Variants in SMARCD1 observed in about 807,000 individuals in gnomAD.
The protein encoded by SMARCD1 is SWI/SNF-related matrix-associated actin-dependent regulator of chromatin subfamily D member 1.
In SMARCD1, 16 loss-of-function variants were observed where a neutral mutation model predicts 70.8. The observed-to-expected ratio is 0.23, with a 90% CI of 0.15 to 0.34. The LOEUF (loss-of-function observed/expected upper bound fraction) is 0.34. SMARCD1 is among the 10% of genes least tolerant of loss of function. The pLI, the probability that SMARCD1 is intolerant of heterozygous loss-of-function variation, is 1.00. For missense variants in SMARCD1, 409 were observed against 655.5 expected (o/e 0.62, Z 4.11); for synonymous variants, 249 against 246.0 (o/e 1.01, Z -0.11).
At position 50,085,523 on chromosome 12, in the gene SMARCD1, C is replaced by G; in HGVS notation, c.154C>G (p.Pro52Ala). Residue 52 changes from proline (P) to alanine (A), a missense_variant, in exon 1 of 13, where the codon CCG becomes GCG. By Grantham distance (27) the Pro-to-Ala change is conservative. Coordinates refer to ENST00000394963, the MANE Select transcript of SMARCD1 (RefSeq NM_003076.5). ...PAPGQGLYRS[P>A]MPGAAYPRPG... ...TCCGGGTCAAGGGCTGTACCGCTCC[C>G]CGATGCCCGGAGCGGCCTATCCGGT... The G allele has an allele frequency of 8.1e-7, 1 of 1,235,944 alleles. No homozygotes were observed. The highest frequency in any genetic ancestry group is 1.0e-6 in the Non-Finnish European group (1 of 989,486). The allele number at this position is 1,235,944 out of a possible 1,614,324, so 76.6% of individuals were successfully genotyped here. A position where few individuals can be genotyped will look rare whatever the true frequency, so the allele number is the denominator to read the frequency against.
chr12:50,087,830 G>C (rs987693687), intron 5 of SMARCD1, among the ~76,000 whole-genome samples: 1 of 151,356 alleles, frequency 6.6e-6, no homozygotes, highest in African/African-American at 2.4e-5. Context: ...TTTCCTCTCT[G>C]AGTCCTTGTG....
intron 9 of SMARCD1, among the ~76,000 whole-genome samples, chr12:50,091,913 TG>T (rs1950847228): frequency 6.6e-6 from 1 of 152,118 alleles, no homozygotes; most frequent in African/African-American, 2.4e-5. Context: ...GATCAGCAAA[TG>T]CCACACATCT....
intron 10 of SMARCD1, among the ~76,000 whole-genome samples, chr12:50,095,759 G>A (rs935786898): frequency 6.6e-6 from 1 of 152,222 alleles, no homozygotes; most frequent in Non-Finnish European, 1.5e-5. Flanking sequence ...AAGAGAGAGA[G>A]AGCCTGGTGT....
At position 50,099,639 on chromosome 12, in the gene SMARCD1, T is replaced by C. The variant is rs879084348; in HGVS notation, c.*639T>C. ...TCCTTAGTTGGGGTCCACATCAGTA[T>C]TGGAGTTTTGTTCTTTATTGCTCCC... On this transcript the variant is annotated 3_prime_UTR_variant, in exon 13 of 13. Transcript: ENST00000394963. 11 of 280,180 alleles carry C rather than the reference T, an allele frequency of 3.9e-5. No individual in the cohort carries two copies. Among genetic ancestry groups the C allele is most frequent in the Middle Eastern group, 9.9e-4 (1 of 1,006 alleles). 17.4% of individuals were successfully genotyped at this position (280,180 alleles called of 1,614,324 possible). A position where few individuals can be genotyped will look rare whatever the true frequency, so the allele number is the denominator to read the frequency against.
intron 7 of SMARCD1, 64 bp downstream of exon 7, chr12:50,090,049 T>C (rs1950827257): frequency 7.0e-7 from 1 of 1,437,926 alleles, no homozygotes; most frequent in Non-Finnish European, 9.8e-7. Flanking sequence ...AGTCTCACTT[T>C]AAAGAGTTTA....
intron 10 of SMARCD1, among the ~76,000 whole-genome samples, chr12:50,096,145 T>C (rs998732131): frequency 1.3e-5 from 2 of 152,068 alleles, no homozygotes; most frequent in Non-Finnish European, 2.9e-5. Flanking sequence ...GTAGATAGAT[T>C]TGAGAGGTGT....
chr12:50,090,821 C>CTTTTTTTTTTTTTTTTTTTTT (rs11443542), intron 9 of SMARCD1, among the ~76,000 whole-genome samples: 2 of 102,438 alleles, frequency 2.0e-5, no homozygotes, highest in African/African-American at 4.0e-5. Context: ...TGTATTTGTG[C>CTTTTTTTTTTTTTTTTTTTTT]TTTTTTTTTT....
chr12:50,088,673 T>C (rs745921006), intron 6 of SMARCD1, 36 bp downstream of exon 6: 5 of 1,129,752 alleles, frequency 4.4e-6, no homozygotes, highest in Non-Finnish European at 6.6e-6. Flanking sequence ...TGACTCTGAT[T>C]GGAGGATGAT....
In SMARCD1 at chr12:50,086,811, G is replaced by A. The variant is rs1253766969; in HGVS notation, c.464G>A (p.Arg155Lys). The change falls in exon 4 of 13, where the codon AGG becomes AAG. Residue 155 changes from arginine to lysine, a missense_variant. Physicochemically the swap from Arg to Lys is conservative, Grantham distance 26. Coordinates refer to ENST00000394963, the MANE Select transcript of SMARCD1 (RefSeq NM_003076.5). Reference protein sequence around the residue: ...QAYMDLLAFERKLDQTIMRKR... With the variant: ...QAYMDLLAFEKKLDQTIMRKR... The stretch of plus-strand genomic sequence containing the variant: ...TATATGGATCTCTTGGCTTTTGAAA[G>A]GAAACTGGACCAGACTATCATGAGG... 1 of 1,614,078 alleles carries A rather than the reference G, an allele frequency of 6.2e-7. No homozygotes were observed. The highest frequency in any genetic ancestry group is 2.2e-5 in the East Asian group (1 of 44,882).
intron 2 of SMARCD1, 48 bp from the exon 3 acceptor site, chr12:50,086,573 T>G: frequency 6.3e-7 from 1 of 1,581,574 alleles, no homozygotes; most frequent in Non-Finnish European, 8.7e-7. Flanking sequence ...TATTTTCACG[T>G]TCTGACTAGT....
Position 50,090,396 on chromosome 12 carries a change from G to A in SMARCD1, c.1029G>A (p.Leu343=). 6.2e-7 allele frequency: 1 copy of A among 1,613,910 alleles called. No homozygotes were observed. The highest frequency in any genetic ancestry group is 8.5e-7 in the Non-Finnish European group (1 of 1,179,920). The change falls in exon 8 of 13, where the codon CTG becomes CTA. Residue 343 remains leucine (L), a synonymous_variant. Coordinates refer to ENST00000394963, the MANE Select transcript of SMARCD1 (RefSeq NM_003076.5). ...EREFVICDKY[L]QQIFESQRMK... ...AGTTTGTCATCTGTGACAAGTACCT[G>A]CAGCAGGTAAGTAATGGACCCATTC...
chr12:50,088,389 C>T, intron 5 of SMARCD1, 132 bp from the exon 6 acceptor site: 1 of 702,798 alleles, frequency 1.4e-6, no homozygotes, highest in Non-Finnish European at 2.6e-6. Context: ...TTGCCTATCT[C>T]TCTTAAGAGA....
At chr12:50,091,386 C>T (rs1950842244) in intron 9 of SMARCD1, among the ~76,000 whole-genome samples, 1 of 151,952 alleles carries the variant, frequency 6.6e-6, no homozygotes, top group Non-Finnish European at 1.5e-5. Context: ...AGTGATTCTC[C>T]TGCCGTAGCC....
chr12:50,096,632 T>G, intron 10 of SMARCD1: 1 of 479,764 alleles, frequency 2.1e-6, no homozygotes, highest in Non-Finnish European at 3.8e-6. Context: ...AGGAAAGCTT[T>G]CCTCACATGG....
In SMARCD1 at chr12:50,096,842, C is replaced by T; in HGVS notation, c.1270-8C>T. 1 of 1,598,922 alleles carries T rather than the reference C, an allele frequency of 6.3e-7. No individual in the cohort carries two copies. The highest frequency in any genetic ancestry group is 8.6e-7 in the Non-Finnish European group (1 of 1,169,390). On this transcript the variant is annotated splice_region_variant and splice_polypyrimidine_tract_variant and intron_variant, in intron 10 of 12. Coordinates refer to ENST00000394963, the MANE Select transcript of SMARCD1 (RefSeq NM_003076.5). Reference sequence around the variant, plus strand: ...TGAAAATGGTATGAGCTTCGTTCTTCCTTTCAGATCCATGAGACAATAGAA... The same window carrying T: ...TGAAAATGGTATGAGCTTCGTTCTTTCTTTCAGATCCATGAGACAATAGAA...
At chr12:50,086,376 G>A in intron 2 of SMARCD1, 28 bp downstream of exon 2, 1 of 1,096,222 alleles carries the variant, frequency 9.1e-7, no homozygotes, top group Non-Finnish European at 1.4e-6. Flanking sequence ...CAGAGGGAGG[G>A]AGGGAGGGAG....
chr12:50,090,151 G>A (rs1950828181), intron 7 of SMARCD1, 90 bp from the exon 8 acceptor site: 16 of 1,410,056 alleles, frequency 1.1e-5, no homozygotes, highest in Non-Finnish European at 1.6e-5. Context: ...CCCAGAAAAA[G>A]CACTACATTA....
intron 5 of SMARCD1, among the ~76,000 whole-genome samples, chr12:50,088,013 C>T: frequency 6.6e-6 from 1 of 152,276 alleles, no homozygotes; most frequent in African/African-American, 2.4e-5. Context: ...CATTCCCTTA[C>T]ATTCTCTGGC....
At chr12:50,088,248 G>T (rs2137877652) in intron 5 of SMARCD1, 1 of 702,350 alleles carries the variant, frequency 1.4e-6, no homozygotes, top group Non-Finnish European at 2.6e-6. Flanking sequence ...TATGTGCAAT[G>T]GTTTGCTTAA....
Sources: allele counts gnomAD v4.1 joint callset (sites outside exome capture counted in the v4.1 genomes callset), GRCh38; gene constraint gnomAD v4.1.1; transcripts MANE v1.5; gene names NCBI Gene and HGNC (gene_info 2026-07-23, HGNC 2026-07-21).